The following ARL15 variants were observed in gnomAD, a reference collection of about 807,000 sequenced individuals.
The protein encoded by ARL15 is ARF like GTPase 15, also known as ADP-ribosylation factor-like protein 15.
ARL15 carries 19 observed loss-of-function variants against 25.2 expected under a neutral mutation model. The ratio of observed to expected loss-of-function variants is 0.75; its 90% confidence interval spans 0.53 to 1.10. The LOEUF (loss-of-function observed/expected upper bound fraction) is 1.10, where lower values mean the gene tolerates loss of function less well. Among genes scored for constraint, ARL15 ranks in the 50% least tolerant of loss-of-function variants. The pLI is 0.00. For missense variants in ARL15, 220 were observed against 246.0 expected (o/e 0.89, Z 0.71); for synonymous variants, 94 against 86.8 (o/e 1.08, Z -0.46).
In ARL15 at chr5:53,899,190, T is replaced by C. The variant is rs1386414064; in HGVS notation, c.463-12477A>G. ...GGTGAAACCCCATCTCTACTAAAAA[T>C]ACAAAAAATTAGCCAGGCGTGGTGG... On this transcript the variant is annotated intron_variant, in intron 4 of 4. Transcript: ENST00000504924. Among the ~76,000 whole-genome samples, 3 of 151,078 alleles carry C rather than the reference T, an allele frequency of 2.0e-5. No individual in the cohort carries two copies. The East Asian group carries it at 6.0e-4, about 30-fold the overall frequency.
chr5:53,905,436 T>C (rs935050043), intron 4 of ARL15, among the ~76,000 whole-genome samples: 12 of 152,274 alleles, frequency 7.9e-5, no homozygotes, highest in Middle Eastern at 3.4e-3. Flanking sequence ...ATATTAAACA[T>C]AATGTTATTC....
At chr5:54,000,361 C>T (rs574820225) in intron 4 of ARL15, among the ~76,000 whole-genome samples, 2 of 152,268 alleles carry the variant, frequency 1.3e-5, no homozygotes, top group South Asian at 4.1e-4. Flanking sequence ...ATGGACATCA[C>T]GTCTGCCTGC....
rs140532967 is a variant in ARL15 at position 54,117,723 on chromosome 5, T to C, written c.254-4313A>G. On this transcript the variant is annotated intron_variant, in intron 3 of 4. Transcript: ENST00000504924. ...CTACTTCACACAACTCCATTTTTAC[T>C]TGAAATTTCAACTGACAAACTATGA... is the stretch of plus-strand genomic sequence containing the variant. Among the ~76,000 whole-genome samples, 769 of 152,306 alleles carry C rather than the reference T, an allele frequency of 5.0e-3. 3 individuals carry two copies. Among genetic ancestry groups the C allele is most frequent in the Non-Finnish European group, 7.4e-3 (506 of 68,008 alleles).
chr5:54,175,675 G>C (rs1441763500), intron 1 of ARL15, among the ~76,000 whole-genome samples: 1 of 134,686 alleles, frequency 7.4e-6, no homozygotes, highest in African/African-American at 2.9e-5. Flanking sequence ...TTTTTTTTAA[G>C]ACAGTCTGTC....
intron 4 of ARL15, among the ~76,000 whole-genome samples, chr5:53,924,306 A>G (rs948066028): frequency 1.3e-5 from 2 of 152,358 alleles, no homozygotes; most frequent in South Asian, 4.1e-4. Context: ...TTGTCACACA[A>G]GCCACATTAT....
At chr5:53,960,763 G>C (rs1033959330) in intron 4 of ARL15, among the ~76,000 whole-genome samples, 6 of 152,186 alleles carry the variant, frequency 3.9e-5, no homozygotes. Flanking sequence ...TGGCAGAGAT[G>C]GGGCTTGACC....
chr5:54,073,074 T>G (rs1314989426), intron 4 of ARL15, among the ~76,000 whole-genome samples: 2 of 152,194 alleles, frequency 1.3e-5, no homozygotes, highest in Non-Finnish European at 2.9e-5. Flanking sequence ...AGTTATCAAG[T>G]CAGTGATATT....
chr5:54,004,494 CA>C (rs10587860), intron 4 of ARL15, among the ~76,000 whole-genome samples: 27,905 of 126,104 alleles, frequency 0.22, 3,000 homozygotes, highest in Middle Eastern at 0.31. Context: ...GACTGTGTCT[CA>C]AAAAAAAAAA....
intron 1 of ARL15, among the ~76,000 whole-genome samples, chr5:54,239,655 G>T (rs944452882): frequency 6.6e-6 from 1 of 152,160 alleles, no homozygotes; most frequent in African/African-American, 2.4e-5. Flanking sequence ...TTAAATTCTA[G>T]AATGTTTCCT....
intron 3 of ARL15, among the ~76,000 whole-genome samples, chr5:54,148,562 T>G (rs1323588062): frequency 6.6e-6 from 1 of 152,184 alleles, no homozygotes; most frequent in Non-Finnish European, 1.5e-5. Context: ...ACAAAAATCT[T>G]CATGAACTTT....
At chr5:54,101,573 T>TCCCTAG (rs1752439624) in intron 4 of ARL15, among the ~76,000 whole-genome samples, 1 of 152,112 alleles carries the variant, frequency 6.6e-6, no homozygotes, top group African/African-American at 2.4e-5. Context: ...TGTGCTGTAT[T>TCCCTAG]AGCTTAAAAC....
chr5:54,288,845 G>A (rs1221370121), intron 1 of ARL15, among the ~76,000 whole-genome samples: 1 of 152,002 alleles, frequency 6.6e-6, no homozygotes, highest in Non-Finnish European at 1.5e-5. Context: ...AAGGCATATG[G>A]GCAATAAAAA....
intron 4 of ARL15, among the ~76,000 whole-genome samples, chr5:54,055,357 T>C (rs1180814706): frequency 7.3e-6 from 1 of 137,114 alleles, no homozygotes; most frequent in Admixed American, 7.3e-5. Flanking sequence ...CATTCCTTTT[T>C]TTTTTTTTTT....
chr5:53,960,839 T>A (rs925336723), intron 4 of ARL15, among the ~76,000 whole-genome samples: 1 of 152,198 alleles, frequency 6.6e-6, no homozygotes, highest in Non-Finnish European at 1.5e-5. Flanking sequence ...TATACTCACA[T>A]ATTAAAAGAT....
rs992425209 is a variant in ARL15, at chr5:54,034,882, C to A, written c.462+78320G>T. Among the ~76,000 whole-genome samples the A allele has an allele frequency of 4.0e-5, 6 of 151,602 alleles. No individual in the cohort carries two copies. In the East Asian group the frequency reaches 1.2e-3, roughly 30 times the overall value. The stretch of plus-strand genomic sequence containing the variant: ...GCGGTCTCTCATTGTGTTGACAGGC[C>A]GGTCTTGAACTCCTGGCCTCAAGCA... On this transcript the variant is annotated intron_variant, in intron 4 of 4. Coordinates refer to ENST00000504924, the MANE Select transcript of ARL15 (RefSeq NM_019087.3).
chr5:53,971,650 A>C (rs1747754054), intron 4 of ARL15, among the ~76,000 whole-genome samples: 1 of 152,114 alleles, frequency 6.6e-6, no homozygotes, highest in Non-Finnish European at 1.5e-5. Flanking sequence ...GAGTTGGATG[A>C]TATGTTAAAT....
chr5:53,908,444 T>C (rs370644975), intron 4 of ARL15, among the ~76,000 whole-genome samples: 12 of 152,216 alleles, frequency 7.9e-5, no homozygotes, highest in African/African-American at 2.9e-4. Context: ...TTAGGTATTA[T>C]AAGGAGTCAA....
At chr5:54,003,710 A>G (rs1012231573) in intron 4 of ARL15, among the ~76,000 whole-genome samples, 2 of 117,048 alleles carry the variant, frequency 1.7e-5, no homozygotes. Flanking sequence ...CTATCTATCT[A>G]TCTATCTCTA....
chr5:54,137,674 T>G (rs1022037508), intron 3 of ARL15, among the ~76,000 whole-genome samples: 1 of 152,182 alleles, frequency 6.6e-6, no homozygotes, highest in African/African-American at 2.4e-5. Context: ...CTTGTAACCA[T>G]CATTTCTTTG....
Sources: gnomAD v4.1 joint callset for allele counts (sites outside exome capture counted in the v4.1 genomes callset) on GRCh38, gnomAD v4.1.1 for gene constraint, MANE v1.5 for transcripts, NCBI Gene and HGNC (gene_info 2026-07-23, HGNC 2026-07-21) for gene names.